Variants in ZNF468 observed in about 807,000 individuals in gnomAD.
ZNF468 encodes zinc finger protein 468.
In ZNF468, 8 loss-of-function variants were observed where a neutral mutation model predicts 7.2. That is an observed-to-expected ratio of 1.11 (90% CI 0.65 to 2.01). The LOEUF is 2.01. Ranked by LOEUF, ZNF468 falls within the 30% of genes most tolerant of loss-of-function variation. The pLI, the probability that ZNF468 is intolerant of heterozygous loss-of-function variation, is 0.00. For missense variants in ZNF468, 608 were observed against 626.5 expected (o/e 0.97, Z 0.31); for synonymous variants, 218 against 214.4 (o/e 1.02, Z -0.15).
rs923876019 is a variant in ZNF468 at position 52,839,332 on chromosome 19, G to C, written c.*1393C>G. The C allele has an allele frequency of 1.0e-5, 2 of 197,016 alleles. No homozygotes were observed. The highest frequency in any genetic ancestry group is 4.8e-5 in the African/African-American group (2 of 42,022). 12.2% of individuals were successfully genotyped at this position (197,016 alleles called of 1,614,324 possible). A position where few individuals can be genotyped will look rare whatever the true frequency, so the allele number is the denominator to read the frequency against. On this transcript the variant is annotated 3_prime_UTR_variant, in exon 4 of 4. Coordinates refer to ENST00000595646, the MANE Select transcript of ZNF468 (RefSeq NM_001008801.2). ...GGCTAGGCTGTTCTCAAACTCGTGA[G>C]CTCCAGTGACCTACCTGTCTTTGCC...
At chr19:52,854,483 C>T (rs1600536486) in intron 1 of ZNF468, 138 bp from the exon 2 acceptor site, 1 of 948,596 alleles carries the variant, frequency 1.1e-6, no homozygotes, top group Non-Finnish European at 1.5e-6. Flanking sequence ...CAAAAAATTC[C>T]TACAGGAAAA....
At position 52,849,274 on chromosome 19, in the gene ZNF468, A is replaced by T; in HGVS notation, c.16-61T>A. 3 of 1,610,446 alleles carry T rather than the reference A, an allele frequency of 1.9e-6. 1 individual carries two copies. In the Admixed American group the frequency reaches 5.0e-5, roughly 27 times the overall value. ...GGAGGAGATCTTATCTTTACAAAAA[A>T]TGAGAGGAGGAGAGAGGGGAAAGCA... On this transcript the variant is annotated intron_variant, in intron 2 of 3. Coordinates refer to ENST00000595646, the MANE Select transcript of ZNF468 (RefSeq NM_001008801.2).
At position 52,841,946 on chromosome 19, in the gene ZNF468, G is replaced by C. The variant is rs144646148; in HGVS notation, c.348C>G (p.Ile116Met). 145 of 1,613,778 alleles carry C rather than the reference G, an allele frequency of 9.0e-5. No homozygotes were observed. The African/African-American group carries it at 1.5e-3, about 17-fold the overall frequency. The change falls in exon 4 of 4, where the codon ATC becomes ATG. Residue 116 changes from isoleucine to methionine, a missense_variant. Coordinates refer to ENST00000595646, the MANE Select transcript of ZNF468 (RefSeq NM_001008801.2). The part of the protein sequence containing the change: ...TNGHAAPMTE[I>M]KELAGSTGQH... ...GGCCTGTACTACCAGCCAACTCTTT[G>C]ATTTCTGTCATGGGTGCTGCATGGC...
Position 52,840,191 on chromosome 19 carries a change from T to G in ZNF468, c.*534A>C, listed in dbSNP as rs1286488644. The G allele has an allele frequency of 2.6e-6, 1 of 377,876 alleles. No homozygotes were observed. Among genetic ancestry groups the G allele is most frequent in the African/African-American group, 2.1e-5 (1 of 47,250 alleles). The allele number at this position is 377,876 out of a possible 1,614,324, so 23.4% of individuals were successfully genotyped here. On this transcript the variant is annotated 3_prime_UTR_variant, in exon 4 of 4. Transcript: ENST00000595646. Reference sequence around the variant, plus strand: ...ATTTGTGAATGAAAACTTTGTCACATTGTTCACGTTTGTAAGATTTCTATG... The same window carrying G: ...ATTTGTGAATGAAAACTTTGTCACAGTGTTCACGTTTGTAAGATTTCTATG...
intron 3 of ZNF468, among the ~76,000 whole-genome samples, chr19:52,847,974 T>C (rs973011040): frequency 2.0e-5 from 3 of 152,242 alleles, no homozygotes; most frequent in South Asian, 2.1e-4. Context: ...CTGTGTCTTA[T>C]TTCTTTTCTG....
chr19:52,850,674 C>A (rs190696326), intron 2 of ZNF468, among the ~76,000 whole-genome samples: 2 of 151,492 alleles, frequency 1.3e-5, no homozygotes, highest in African/African-American at 4.9e-5. Context: ...CCGAGGTGGG[C>A]GGATCACGAG....
intron 1 of ZNF468, among the ~76,000 whole-genome samples, chr19:52,855,573 C>A (rs1260987267): frequency 4.6e-5 from 7 of 152,172 alleles, no homozygotes; most frequent in Non-Finnish European, 1.0e-4. Context: ...GGGTTCCCTG[C>A]CAGGCACTGA....
rs760650820 is a variant in ZNF468, at chr19:52,854,266, G to T, written c.7C>A (p.Leu3Ile). 5.6e-6 allele frequency: 9 copies of T among 1,613,694 alleles called. No homozygotes were observed. The highest frequency in any genetic ancestry group is 7.6e-6 in the Non-Finnish European group (9 of 1,179,842). Residue 3 changes from leucine (L) to isoleucine (I), a missense_variant, in exon 2 of 4, where the codon CTT (leucine) becomes ATT (isoleucine). Physicochemically the swap from Leu to Ile is conservative, Grantham distance 5. Transcript: ENST00000595646. ...CGAGGATATCATCTCACCTGAGGAA[G>T]AGCCATCCCTGACTCCTTTGCTTTC... MA[L>I]PQGLLTFRDV...
chr19:52,839,391 G>A lies in ZNF468; in HGVS notation c.*1334C>T. On this transcript the variant is annotated 3_prime_UTR_variant, in exon 4 of 4. Coordinates refer to ENST00000595646, the MANE Select transcript of ZNF468 (RefSeq NM_001008801.2). ...TGCTGGAATTACAGGCATGAGCCAT[G>A]GCCCCCAGTGCAATCCTCTTAACAT... 3 of 255,464 alleles carry A rather than the reference G, an allele frequency of 1.2e-5. No homozygotes were observed. The highest frequency in any genetic ancestry group is 2.3e-5 in the Non-Finnish European group (3 of 127,790). The allele number at this position is 255,464 out of a possible 1,614,324, so 15.8% of individuals were successfully genotyped here.
rs201739972 is a variant in ZNF468, at chr19:52,841,840, G to A, written c.454C>T (p.His152Tyr). 7.4e-5 allele frequency: 119 copies of A among 1,613,936 alleles called. No homozygotes were observed. Among genetic ancestry groups the A allele is most frequent in the Middle Eastern group, 1.6e-4 (1 of 6,084 alleles). ...SSFHLHLPEP[H>Y]IFQSEGKIGN... ...ATTTTCCCTTCAGACTGAAATATGT[G>A]CGGTTCAGGCAGATGCAAATGAAAG... Residue 152 changes from histidine to tyrosine, a missense_variant, in exon 4 of 4, where the codon CAC becomes TAC. Transcript: ENST00000595646.
chr19:52,841,341 TTA>T lies in ZNF468; in HGVS notation c.951_952del (p.His317GlnfsTer13), dbSNP rs749397390. The T allele has an allele frequency of 6.7e-5, 108 of 1,607,960 alleles. No homozygotes were observed. The East Asian group carries it at 1.6e-3, about 24-fold the overall frequency. On this transcript the variant is annotated frameshift_variant, in exon 4 of 4. Coordinates refer to ENST00000595646, the MANE Select transcript of ZNF468 (RefSeq NM_001008801.2). LOFTEE classifies it low-confidence loss of function (END_TRUNC). ...TGGTTTCTCTCCAGTATGAATCCTCTTATGTCTTTCAAGGTGTGATTTGCGAC... is the reference window on the plus strand; with the variant it reads ...TGGTTTCTCTCCAGTATGAATCCTCTTGTCTTTCAAGGTGTGATTTGCGAC...
intron 3 of ZNF468, among the ~76,000 whole-genome samples, chr19:52,847,681 T>C (rs1194922654): frequency 6.6e-6 from 1 of 152,170 alleles, no homozygotes; most frequent in Non-Finnish European, 1.5e-5. Flanking sequence ...TACTCTTTCC[T>C]ACACTGAGAT....
intron 1 of ZNF468, among the ~76,000 whole-genome samples, chr19:52,855,505 T>C (rs1399918735): frequency 6.6e-6 from 1 of 152,336 alleles, no homozygotes; most frequent in African/African-American, 2.4e-5. Flanking sequence ...AACACAGGGC[T>C]GTGGAGCCAA....
chr19:52,849,100 G>T lies in ZNF468; in HGVS notation c.129C>A (p.Asn43Lys), dbSNP rs370408544. The change falls in exon 3 of 4, where the codon AAC (asparagine) becomes AAA (lysine). Residue 43 changes from asparagine to lysine, a missense_variant. Asn to Lys is a moderately conservative substitution (Grantham distance 94). Transcript: ENST00000595646. ...YRDVMLENYR[N>K]LVSLDISSKC... is the part of the protein sequence containing the mutation. ...AGTTATCCTCACCCAGGGAGACGAG[G>T]TTCCTATAATTCTCCAGCATCACGT... 16 of 1,613,806 alleles carry T rather than the reference G, an allele frequency of 9.9e-6. No homozygotes were observed. The African/African-American group carries it at 1.2e-4, about 12-fold the overall frequency.
chr19:52,846,974 C>T (rs2063345893), intron 3 of ZNF468, among the ~76,000 whole-genome samples: 1 of 151,798 alleles, frequency 6.6e-6, no homozygotes, highest in Non-Finnish European at 1.5e-5. Flanking sequence ...GCACTGTAGC[C>T]TGGGTGACAG....
rs180995126 is a variant in ZNF468, at chr19:52,838,918, G to A, written c.*1807C>T. ...ATATACTCAATTGTGATTTAGATTC[G>A]GTACAATACTCATAGAAGTCTCTAT... is the stretch of plus-strand genomic sequence containing the variant. On this transcript the variant is annotated 3_prime_UTR_variant, in exon 4 of 4. Coordinates refer to ENST00000595646, the MANE Select transcript of ZNF468 (RefSeq NM_001008801.2). 354 of 152,024 alleles carry A rather than the reference G, an allele frequency of 2.3e-3. 2 individuals carry two copies. The highest frequency in any genetic ancestry group is 8.2e-3 in the African/African-American group (341 of 41,446). The allele number at this position is 152,024 out of a possible 1,614,324, so 9.4% of individuals were successfully genotyped here. A position where few individuals can be genotyped will look rare whatever the true frequency, so the allele number is the denominator to read the frequency against.
Position 52,841,917 on chromosome 19 carries a change from T to C in ZNF468, c.377A>G (p.His126Arg). The change falls in exon 4 of 4, where the codon CAT (histidine) becomes CGT (arginine). Residue 126 changes from histidine to arginine, a missense_variant. Physicochemically the swap from His to Arg is conservative, Grantham distance 29. Coordinates refer to ENST00000595646, the MANE Select transcript of ZNF468 (RefSeq NM_001008801.2). The stretch of plus-strand genomic sequence containing the variant: ...CTTGTTTCCAGCATGCCTTTGATCA[T>C]GTTGGCCTGTACTACCAGCCAACTC... The part of the protein sequence containing the change: ...IKELAGSTGQ[H>R]DQRHAGNKRI... 1.9e-6 allele frequency: 3 copies of C among 1,614,080 alleles called. No homozygotes were observed. Among genetic ancestry groups the C allele is most frequent in the East Asian group, 2.2e-5 (1 of 44,860 alleles).
intron 3 of ZNF468, among the ~76,000 whole-genome samples, chr19:52,848,776 C>T (rs1317186686): frequency 6.6e-6 from 1 of 152,114 alleles, no homozygotes; most frequent in Non-Finnish European, 1.5e-5. Flanking sequence ...GTCTCGAACT[C>T]CTCACCCATA....
At chr19:52,856,189 C>A (rs1352164703) in intron 1 of ZNF468, among the ~76,000 whole-genome samples, 1 of 152,090 alleles carries the variant, frequency 6.6e-6, no homozygotes, top group East Asian at 1.9e-4. Context: ...ACAGGGTCAG[C>A]TGTAGAACCA....
Sources: gnomAD v4.1 joint callset for allele counts (sites outside exome capture counted in the v4.1 genomes callset) on GRCh38, gnomAD v4.1.1 for gene constraint, MANE v1.5 for transcripts, NCBI Gene and HGNC (gene_info 2026-07-23, HGNC 2026-07-21) for gene names.